The following DHRS1 variants were observed in gnomAD, a reference collection of about 807,000 sequenced individuals.
DHRS1 encodes the protein dehydrogenase/reductase 1, also known as dehydrogenase/reductase SDR family member 1.
DHRS1 carries 34 observed loss-of-function variants against 35.2 expected under a neutral mutation model. The ratio of observed to expected loss-of-function variants is 0.97; its 90% CI spans 0.74 to 1.29. The LOEUF is 1.29. Among genes scored for constraint, DHRS1 ranks in the 50% most tolerant of loss-of-function variants. The pLI, the probability that DHRS1 is intolerant of heterozygous loss-of-function variation, is 0.00. For missense variants in DHRS1, 354 were observed against 403.6 expected (o/e 0.88, Z 1.05); for synonymous variants, 133 against 160.0 (o/e 0.83, Z 1.27).
At chr14:24,291,826 C>T (rs2041163203) in intron 6 of DHRS1, 5 of 629,360 alleles carry the variant, frequency 7.9e-6, no homozygotes, top group Non-Finnish European at 1.4e-5. Flanking sequence ...TGTGCCCTGG[C>T]ACCAGGATCT....
chr14:24,292,926 T>A, intron 4 of DHRS1, 142 bp from the exon 5 acceptor site: 2 of 1,052,938 alleles, frequency 1.9e-6, no homozygotes, highest in African/African-American at 1.6e-5. Flanking sequence ...CCTGAGGAAT[T>A]AGGGGCTTGA....
chr14:24,298,865 T>C (rs1351525661), intron 2 of DHRS1, 92 bp downstream of exon 2: 10 of 1,363,698 alleles, frequency 7.3e-6, no homozygotes, highest in South Asian at 4.3e-5. Context: ...AGTAGTATTA[T>C]AGTTTCAGGT....
Position 24,291,236 on chromosome 14 carries a change from A to C in DHRS1, c.725-17T>G. The C allele has an allele frequency of 6.2e-7, 1 of 1,613,642 alleles. No homozygotes were observed. The highest frequency in any genetic ancestry group is 8.5e-7 in the Non-Finnish European group (1 of 1,179,572). On this transcript the variant is annotated splice_polypyrimidine_tract_variant and intron_variant, in intron 7 of 8. Coordinates refer to ENST00000288111, the MANE Select transcript of DHRS1 (RefSeq NM_001136050.3). Reference sequence around the variant, plus strand: ...TATTGGGATCTGCGGGCACACAGACAGGTGGAGATGGCAGGCAGGGGAGTA... The same window carrying C: ...TATTGGGATCTGCGGGCACACAGACCGGTGGAGATGGCAGGCAGGGGAGTA...
chr14:24,296,771 A>T lies in DHRS1; in HGVS notation c.261T>A (p.Asp87Glu), dbSNP rs369620999. ...QVDREQQGRL[D>E]VLVNNAYAGV... is the part of the protein sequence containing the mutation. The stretch of plus-strand genomic sequence containing the variant: ...CTGCATAAGCATTGTTGACCAGCAC[A>T]TCTAGACGCCCTTGCTGTTCCCGAT... The change falls in exon 3 of 9, where the codon GAT becomes GAA. Residue 87 changes from aspartate (D) to glutamate (E), a missense_variant. Asp to Glu is a conservative substitution (Grantham distance 45). Transcript: ENST00000288111. The T allele has an allele frequency of 1.2e-6, 2 of 1,614,232 alleles. No individual in the cohort carries two copies. The highest frequency in any genetic ancestry group is 1.7e-6 in the Non-Finnish European group (2 of 1,180,032).
At position 24,290,842 on chromosome 14, in the gene DHRS1, G is replaced by A. The variant is rs774882704; in HGVS notation, c.*17C>T. On this transcript the variant is annotated 3_prime_UTR_variant, in exon 9 of 9. Coordinates refer to ENST00000288111, the MANE Select transcript of DHRS1 (RefSeq NM_001136050.3). The stretch of plus-strand genomic sequence containing the variant: ...AAATGAGAAGACAAGCAGAGACGTA[G>A]TGTCAGACCAGGAGGGTTAGAACTT... 3.9e-5 allele frequency: 63 copies of A among 1,613,522 alleles called. No individual in the cohort carries two copies. Among genetic ancestry groups the A allele is most frequent in the Non-Finnish European group, 5.3e-5 (62 of 1,179,842 alleles).
At chr14:24,292,904 G>A (rs1314259887) in intron 4 of DHRS1, 120 bp from the exon 5 acceptor site, 7 of 1,335,920 alleles carry the variant, frequency 5.2e-6, no homozygotes, top group Non-Finnish European at 6.9e-6. Flanking sequence ...GCTACACAGG[G>A]TGGGTTAGCG....
At chr14:24,291,336 C>T (rs1359319271) in intron 7 of DHRS1, 117 bp from the exon 8 acceptor site, 4 of 1,199,408 alleles carry the variant, frequency 3.3e-6, no homozygotes, top group Non-Finnish European at 4.9e-6. Flanking sequence ...CCCTGGAGAG[C>T]TCTTTCTCTT....
At chr14:24,294,893 G>A (rs549596195) in intron 4 of DHRS1, among the ~76,000 whole-genome samples, 4 of 152,312 alleles carry the variant, frequency 2.6e-5, no homozygotes, top group African/African-American at 4.8e-5. Context: ...ATGAGCTGAC[G>A]CTGCCTGGTG....
Position 24,290,950 on chromosome 14 carries a change from TG to T in DHRS1, c.850del (p.His284ThrfsTer110). On this transcript the variant is annotated frameshift_variant, in exon 9 of 9. Transcript: ENST00000288111. LOFTEE classifies it high-confidence loss of function. ...DYLSLSSVLSHVSGLGWLASY... is the reference protein window; with the variant it reads ...DYLSLSSVLSXVSGLGWLASY... ...GGCCAGCCAGCCCAGGCCGGACACGTGTGAGAGAACAGAGCTCAAAGACAAA... is the reference window on the plus strand; with the variant it reads ...GGCCAGCCAGCCCAGGCCGGACACGTTGAGAGAACAGAGCTCAAAGACAAA... 1 of 1,613,970 alleles carries T rather than the reference TG, an allele frequency of 6.2e-7. No individual in the cohort carries two copies. Among genetic ancestry groups the T allele is most frequent in the Non-Finnish European group, 8.5e-7 (1 of 1,179,996 alleles).
At chr14:24,291,736 C>G (rs1290324499) in intron 6 of DHRS1, 111 bp from the exon 7 acceptor site, 1 of 1,151,258 alleles carries the variant, frequency 8.7e-7, no homozygotes, top group African/African-American at 1.5e-5. Flanking sequence ...CCAAAGAGGC[C>G]AAAGACCTCA....
intron 5 of DHRS1, 54 bp from the exon 6 acceptor site, chr14:24,292,384 C>T (rs2041175070): frequency 1.9e-6 from 3 of 1,606,498 alleles, no homozygotes; most frequent in Admixed American, 3.3e-5. Flanking sequence ...CACTTTCCTG[C>T]CCTGCCCTCT....
At chr14:24,296,301 A>G (rs989446483) in intron 4 of DHRS1, among the ~76,000 whole-genome samples, 3 of 152,214 alleles carry the variant, frequency 2.0e-5, no homozygotes, top group African/African-American at 7.2e-5. Context: ...GCTTGTTCCA[A>G]TGAAAATTAC....
Position 24,294,164 on chromosome 14 carries a change from A to G in DHRS1, c.375-1380T>C, listed in dbSNP as rs375951496. On this transcript the variant is annotated intron_variant, in intron 4 of 8. Transcript: ENST00000288111. Reference sequence around the variant, plus strand: ...ATGATCAAATGTGTTTATAAACTTGAGGGAAAAGGCTTTTATTAGCGTCAC... The same window carrying G: ...ATGATCAAATGTGTTTATAAACTTGGGGGAAAAGGCTTTTATTAGCGTCAC... 4.6e-5 allele frequency: 7 copies of G among 152,364 alleles called. No individual in the cohort carries two copies. The East Asian group carries it at 9.6e-4, about 21-fold the overall frequency. 9.4% of individuals were successfully genotyped at this position (152,364 alleles called of 1,614,324 possible). A position where few individuals can be genotyped will look rare whatever the true frequency, so the allele number is the denominator to read the frequency against.
At chr14:24,296,477 G>C in intron 4 of DHRS1, 32 bp downstream of exon 4, 12 of 1,611,668 alleles carry the variant, frequency 7.4e-6, no homozygotes, top group Non-Finnish European at 1.0e-5. Flanking sequence ...AAGTGAGTGA[G>C]GGAACATGGG....
rs554916635 is a variant in DHRS1 at position 24,299,433 on chromosome 14, C to A, written c.-25+148G>T. 6 of 264,564 alleles carry A rather than the reference C, an allele frequency of 2.3e-5. No individual in the cohort carries two copies. The East Asian group carries it at 4.5e-4, about 20-fold the overall frequency. 16.4% of individuals were successfully genotyped at this position (264,564 alleles called of 1,614,324 possible). A position where few individuals can be genotyped will look rare whatever the true frequency, so the allele number is the denominator to read the frequency against. On this transcript the variant is annotated intron_variant, in intron 1 of 8. Coordinates refer to ENST00000288111, the MANE Select transcript of DHRS1 (RefSeq NM_001136050.3). ...AATCTGGCGCGGCAGCCCCTCGGGG[C>A]GCGTCCACGCAGAGTCCTGGGCTAT...
intron 2 of DHRS1, among the ~76,000 whole-genome samples, chr14:24,298,142 C>A (rs942951783): frequency 1.3e-5 from 2 of 152,120 alleles, no homozygotes; most frequent in African/African-American, 4.8e-5. Flanking sequence ...AACTCCTGGG[C>A]TCAAACGATC....
rs754152881 is a variant in DHRS1, at chr14:24,290,965, C to T, written c.836G>A (p.Ser279Asn). ...GRPVQDYLSL[S>N]SVLSHVSGLG... ...GCCGGACACGTGTGAGAGAACAGAG[C>T]TCAAAGACAAATAGTCTTGGACGGG... Residue 279 changes from serine to asparagine, a missense_variant, in exon 9 of 9, where the codon AGC (serine) becomes AAC (asparagine). Transcript: ENST00000288111. The T allele has an allele frequency of 8.7e-6, 14 of 1,613,974 alleles. 1 individual carries two copies. Among genetic ancestry groups the T allele is most frequent in the East Asian group, 6.7e-5 (3 of 44,884 alleles).
At chr14:24,298,745 C>CA in intron 2 of DHRS1, 1 of 602,844 alleles carries the variant, frequency 1.7e-6, no homozygotes, top group East Asian at 3.3e-5. Flanking sequence ...ATGCCTGGCT[C>CA]AAACACAAAG....
chr14:24,292,119 T>C (rs1275926365), intron 6 of DHRS1, 65 bp downstream of exon 6: 1 of 1,600,098 alleles, frequency 6.2e-7, no homozygotes, highest in Non-Finnish European at 8.6e-7. Context: ...GTATCTGATC[T>C]TGTTATTGAG....
Sources: gnomAD v4.1 joint callset for allele counts (sites outside exome capture counted in the v4.1 genomes callset) on GRCh38, gnomAD v4.1.1 for gene constraint, MANE v1.5 for transcripts, NCBI Gene and HGNC (gene_info 2026-07-23, HGNC 2026-07-21) for gene names.